Variants in L3MBTL4 observed in about 807,000 individuals in gnomAD.
The protein encoded by L3MBTL4 is lethal(3)malignant brain tumor-like protein 4.
L3MBTL4 carries 70 observed loss-of-function variants against 84.5 expected under a neutral mutation model. That is an observed-to-expected ratio of 0.83 (90% CI 0.68 to 1.01). L3MBTL4 has a LOEUF of 1.01. Among genes scored for constraint, L3MBTL4 ranks in the 50% least tolerant of loss-of-function variants. L3MBTL4 has a pLI of 0.00. For synonymous variants in L3MBTL4, 274 were observed against 259.8 expected (o/e 1.05, Z -0.52); for missense variants, 715 against 754.8 (o/e 0.95, Z 0.62).
At chr18:6,370,133 CA>C (rs35835409) in intron 1 of L3MBTL4, among the ~76,000 whole-genome samples, 44,930 of 88,420 alleles carry the variant, frequency 0.51, 7,137 homozygotes, top group Middle Eastern at 0.64. Flanking sequence ...GACTCGGTCT[CA>C]AAAAAAAAAA....
At chr18:5,994,351 T>C (rs1261442454) in intron 16 of L3MBTL4, among the ~76,000 whole-genome samples, 2 of 152,196 alleles carry the variant, frequency 1.3e-5, no homozygotes, top group Non-Finnish European at 2.9e-5. Context: ...ACAAAGCAGG[T>C]GCTCAAAAAA....
At chr18:6,078,430 AAAAAAAAAC>A (rs1287300341) in intron 16 of L3MBTL4, among the ~76,000 whole-genome samples, 1 of 147,256 alleles carries the variant, frequency 6.8e-6, no homozygotes, top group Non-Finnish European at 1.5e-5. Context: ...CCACCTCAAA[AAAAAAAAAC>A]AAAAAAAAAA....
chr18:5,991,310 C>A (rs1055613437), intron 16 of L3MBTL4, among the ~76,000 whole-genome samples: 1 of 152,196 alleles, frequency 6.6e-6, no homozygotes, highest in African/African-American at 2.4e-5. Context: ...TTACTGTAAG[C>A]CTTGCCAGTG....
intron 4 of L3MBTL4, among the ~76,000 whole-genome samples, chr18:6,289,583 A>C (rs1221473904): frequency 6.6e-6 from 1 of 152,182 alleles, no homozygotes; most frequent in Non-Finnish European, 1.5e-5. Context: ...TTCCTGTCTC[A>C]GAGGTTAATC....
At chr18:6,344,824 TA>T (rs56837287) in intron 1 of L3MBTL4, among the ~76,000 whole-genome samples, 18 of 150,602 alleles carry the variant, frequency 1.2e-4, no homozygotes, top group East Asian at 5.8e-4. Context: ...TTTTCATGAT[TA>T]AAAAAAAACT....
chr18:6,157,656 T>C (rs2043157422), intron 13 of L3MBTL4, among the ~76,000 whole-genome samples: 1 of 152,184 alleles, frequency 6.6e-6, no homozygotes, highest in South Asian at 2.1e-4. Context: ...TGTGCTATTA[T>C]GCCTGTTTAT....
intron 12 of L3MBTL4, among the ~76,000 whole-genome samples, chr18:6,174,144 T>C (rs78389548): frequency 0.019 from 2,772 of 147,834 alleles, 80 homozygotes; most frequent in African/African-American, 0.068. Flanking sequence ...AACTCTACTC[T>C]TAAAAAAAAA....
At chr18:6,174,250 A>G (rs2044117901) in intron 12 of L3MBTL4, among the ~76,000 whole-genome samples, 1 of 152,198 alleles carries the variant, frequency 6.6e-6, no homozygotes, top group Non-Finnish European at 1.5e-5. Context: ...GCCATACTCA[A>G]TTTGTGAAGA....
At chr18:6,016,334 A>G (rs538084137) in intron 16 of L3MBTL4, among the ~76,000 whole-genome samples, 2 of 152,088 alleles carry the variant, frequency 1.3e-5, no homozygotes, top group East Asian at 3.9e-4. Context: ...TACAATGGTC[A>G]CTCCTTAGGC....
chr18:6,186,091 C>A (rs903966025), intron 12 of L3MBTL4, among the ~76,000 whole-genome samples: 3 of 151,798 alleles, frequency 2.0e-5, no homozygotes, highest in Non-Finnish European at 4.4e-5. Flanking sequence ...CAGCTCACTG[C>A]AAACTCTGTC....
chr18:6,202,985 T>G (rs2045713330), intron 12 of L3MBTL4, among the ~76,000 whole-genome samples: 1 of 152,180 alleles, frequency 6.6e-6, no homozygotes. Flanking sequence ...GCAGACATTC[T>G]CAGCCCAGGC....
chr18:6,014,624 G>C (rs2054880408), intron 16 of L3MBTL4, among the ~76,000 whole-genome samples: 1 of 152,116 alleles, frequency 6.6e-6, no homozygotes, highest in Non-Finnish European at 1.5e-5. Context: ...TGGAGGACTA[G>C]AATAACAGAA....
chr18:6,123,391 C>G (rs1363284349), intron 14 of L3MBTL4, among the ~76,000 whole-genome samples: 1 of 152,122 alleles, frequency 6.6e-6, no homozygotes, highest in Non-Finnish European at 1.5e-5. Flanking sequence ...GGGAGGGACC[C>G]AGTGGGAGGT....
chr18:6,095,512 G>A (rs949514173), intron 14 of L3MBTL4, among the ~76,000 whole-genome samples: 4 of 151,892 alleles, frequency 2.6e-5, no homozygotes, highest in African/African-American at 4.8e-5. Context: ...AACCACACCC[G>A]GCTAATTTTT....
chr18:5,972,715 G>A (rs1185655404), intron 16 of L3MBTL4, among the ~76,000 whole-genome samples: 1 of 152,100 alleles, frequency 6.6e-6, no homozygotes. Context: ...AAAAATGCTT[G>A]TGTGTACTTG....
chr18:6,240,811 C>A (rs1439775652), intron 8 of L3MBTL4, among the ~76,000 whole-genome samples: 3 of 152,186 alleles, frequency 2.0e-5, no homozygotes, highest in Non-Finnish European at 4.4e-5. Context: ...CACAGTGACA[C>A]CGCCTGCCAG....
intron 14 of L3MBTL4, among the ~76,000 whole-genome samples, chr18:6,109,785 T>C (rs1444263312): frequency 6.6e-6 from 1 of 152,140 alleles, no homozygotes; most frequent in East Asian, 1.9e-4. Flanking sequence ...CCCGATCCTC[T>C]CTTTATTTAA....
At chr18:5,966,169 G>C (rs1023640298) in intron 17 of L3MBTL4, among the ~76,000 whole-genome samples, 1 of 152,106 alleles carries the variant, frequency 6.6e-6, no homozygotes, top group African/African-American at 2.4e-5. Flanking sequence ...CCGTGATTTT[G>C]TTTCTGTTAA....
chr18:6,007,434 T>C (rs1203513558), intron 16 of L3MBTL4, among the ~76,000 whole-genome samples: 2 of 152,168 alleles, frequency 1.3e-5, no homozygotes, highest in African/African-American at 4.8e-5. Flanking sequence ...ATTTACCTTG[T>C]TGGAAAAAAA....
Sources: gnomAD v4.1 joint callset for allele counts (sites outside exome capture counted in the v4.1 genomes callset) on GRCh38, gnomAD v4.1.1 for gene constraint, MANE v1.5 for transcripts, NCBI Gene and HGNC (gene_info 2026-07-23, HGNC 2026-07-21) for gene names.